FAM219A: variants seen among roughly 807,000 people sequenced by gnomAD.
FAM219A encodes the protein protein FAM219A.
Under a neutral mutation model 23.4 loss-of-function variants are expected in FAM219A, and 7 were observed. The ratio of observed to expected loss-of-function variants is 0.30; its 90% CI spans 0.17 to 0.56. FAM219A has a LOEUF of 0.56. Ranked by LOEUF, FAM219A falls within the 20% of genes least tolerant of loss-of-function variation. The pLI, the probability that FAM219A is intolerant of heterozygous loss-of-function variation, is 0.92. For missense variants in FAM219A, 166 were observed against 246.9 expected, an observed-to-expected ratio of 0.67 and a Z score of 2.20; for synonymous variants, 93 against 99.0, an observed-to-expected ratio of 0.94 and a Z score of 0.36.
intron 1 of FAM219A, among the ~76,000 whole-genome samples, chr9:34,427,380 T>C (rs1822526701): frequency 6.6e-6 from 1 of 152,126 alleles, no homozygotes; most frequent in African/African-American, 2.4e-5. Flanking sequence ...GGAGTCTACG[T>C]TGCCCAGGCT....
At position 34,458,279 on chromosome 9, in the gene FAM219A, G is replaced by A. The variant is rs749921028; in HGVS notation, c.-16C>T. On this transcript the variant is annotated 5_prime_UTR_variant, in exon 1 of 6. Transcript: ENST00000651358. This position sits in a 1 kb window ranked among gnomAD's most constrained non-coding sequence, Gnocchi z 6.6. ...CCTCCATCATGGTGCCGGCGGGCGA[G>A]CGGGCCAGGGGCCGGGCGCGGCCGC... The A allele has an allele frequency of 5.2e-6, 8 of 1,525,370 alleles. No homozygotes were observed. In the African/African-American group the frequency reaches 7.1e-5, roughly 14 times the overall value. The allele number at this position is 1,525,370 out of a possible 1,614,324, so 94.5% of individuals were successfully genotyped here. A position where few individuals can be genotyped will look rare whatever the true frequency, so the allele number is the denominator to read the frequency against.
chr9:34,439,389 T>G (rs1184662187), intron 1 of FAM219A, among the ~76,000 whole-genome samples: 1 of 152,188 alleles, frequency 6.6e-6, no homozygotes, highest in African/African-American at 2.4e-5. Context: ...CCAAAAGCTA[T>G]TTAGTGAATG....
At chr9:34,416,182 GAAAAGAAAGAAA>G (rs1178420320) in intron 1 of FAM219A, among the ~76,000 whole-genome samples, 3 of 90,818 alleles carry the variant, frequency 3.3e-5, no homozygotes, top group African/African-American at 8.8e-5. Flanking sequence ...AGAAGAAAGA[GAAAAGAAAGAAA>G]GAAAGAAAGA....
intron 1 of FAM219A, among the ~76,000 whole-genome samples, chr9:34,425,800 A>T (rs74467514): frequency 0.015 from 2,215 of 150,892 alleles, 52 homozygotes; most frequent in African/African-American, 0.05. Context: ...TGCATTATTT[A>T]AAAAAAAAAT....
intron 1 of FAM219A, among the ~76,000 whole-genome samples, chr9:34,451,322 G>GA (rs1212960552): frequency 6.6e-6 from 1 of 152,136 alleles, no homozygotes; most frequent in Non-Finnish European, 1.5e-5. Context: ...CTCCTGCCCA[G>GA]AAAGCCAGAT....
rs368461806 is a variant in FAM219A at position 34,445,940 on chromosome 9, C to T, written c.60+12264G>A. Among the ~76,000 whole-genome samples the T allele has an allele frequency of 3.4e-4, 52 of 152,160 alleles. No homozygotes were observed. The South Asian group carries it at 5.8e-3, about 17-fold the overall frequency. ...CTGTAATCCCAGCACTTTGGGAGTC[C>T]GAGGCAAGAAGATCACTTGAAGTCA... is the stretch of plus-strand genomic sequence containing the variant. On this transcript the variant is annotated intron_variant, in intron 1 of 5. Coordinates refer to ENST00000651358, the MANE Select transcript of FAM219A (RefSeq NM_001184940.2).
chr9:34,450,677 A>G (rs539867058), intron 1 of FAM219A, among the ~76,000 whole-genome samples: 7 of 152,248 alleles, frequency 4.6e-5, no homozygotes, highest in African/African-American at 1.7e-4. Context: ...CGGCCTCCCA[A>G]AGTGCTGGGA....
intron 1 of FAM219A, among the ~76,000 whole-genome samples, chr9:34,416,256 A>AAAGG (rs1327363897): frequency 2.1e-4 from 25 of 119,364 alleles, no homozygotes; most frequent in African/African-American, 6.8e-4. Context: ...AGAAAGAAAG[A>AAAGG]AAGGGGGAGG....
chr9:34,416,570 C>A (rs1822039643), intron 1 of FAM219A, among the ~76,000 whole-genome samples: 2 of 151,894 alleles, frequency 1.3e-5, no homozygotes, highest in Non-Finnish European at 2.9e-5. Context: ...TCGAGACCAG[C>A]CTGGCCAACA....
intron 1 of FAM219A, among the ~76,000 whole-genome samples, chr9:34,414,199 T>A (rs1821920680): frequency 3.9e-5 from 6 of 152,242 alleles, no homozygotes. Flanking sequence ...GCCTAAAGCA[T>A]TCCCATCTTC....
chr9:34,415,571 C>T (rs991063713), intron 1 of FAM219A, among the ~76,000 whole-genome samples: 5 of 152,186 alleles, frequency 3.3e-5, no homozygotes, highest in African/African-American at 9.7e-5. Context: ...TAATGTTCTA[C>T]GGTATGTGAG....
intron 1 of FAM219A, among the ~76,000 whole-genome samples, chr9:34,421,848 T>G (rs1438292702): frequency 6.6e-6 from 1 of 152,182 alleles, no homozygotes; most frequent in Non-Finnish European, 1.5e-5. Context: ...GGCATATTAT[T>G]TAAATGCAGA....
chr9:34,426,282 T>C (rs374886573), intron 1 of FAM219A, among the ~76,000 whole-genome samples: 1 of 152,230 alleles, frequency 6.6e-6, no homozygotes, highest in Non-Finnish European at 1.5e-5. Context: ...GTCCTGTTCC[T>C]ATGTTTAGGA....
At chr9:34,439,419 G>A (rs565369601) in intron 1 of FAM219A, among the ~76,000 whole-genome samples, 1 of 152,188 alleles carries the variant, frequency 6.6e-6, no homozygotes, top group Non-Finnish European at 1.5e-5. Flanking sequence ...TGAAGGCACA[G>A]GAGACAAATG....
At chr9:34,411,998 T>A (rs562524242) in intron 1 of FAM219A, among the ~76,000 whole-genome samples, 66 of 152,174 alleles carry the variant, frequency 4.3e-4, no homozygotes, top group African/African-American at 1.6e-3. Context: ...GGAAATCAAG[T>A]TTGTGGAGTC....
In FAM219A at chr9:34,398,499, C is replaced by G; in HGVS notation, c.*2465G>C. 2 of 896,128 alleles carry G rather than the reference C, an allele frequency of 2.2e-6. No individual in the cohort carries two copies. The highest frequency in any genetic ancestry group is 3.4e-6 in the Non-Finnish European group (2 of 590,586). The allele number at this position is 896,128 out of a possible 1,614,324, so 55.5% of individuals were successfully genotyped here. On this transcript the variant is annotated 3_prime_UTR_variant, in exon 6 of 6. Transcript: ENST00000651358. ...CACCCCTCCCTAGACACAGAAGCTG[C>G]CACTGCCAGCTTCCTGCCTCTCTCT...
intron 1 of FAM219A, among the ~76,000 whole-genome samples, chr9:34,434,019 G>A (rs965933623): frequency 3.9e-5 from 6 of 151,988 alleles, no homozygotes; most frequent in South Asian, 2.1e-4. Flanking sequence ...TGGCTAACAC[G>A]GTGAAACCCC....
At chr9:34,445,633 C>G (rs368200484) in intron 1 of FAM219A, among the ~76,000 whole-genome samples, 3 of 152,122 alleles carry the variant, frequency 2.0e-5, no homozygotes, top group East Asian at 1.9e-4. Flanking sequence ...GGGGTAAAAG[C>G]CTAGTGTAGA....
intron 1 of FAM219A, among the ~76,000 whole-genome samples, chr9:34,420,143 G>C (rs1326745044): frequency 6.6e-6 from 1 of 152,080 alleles, no homozygotes; most frequent in Non-Finnish European, 1.5e-5. Context: ...CCCAACAAGG[G>C]GGAGGGCACA....
Sources: gnomAD v4.1 joint callset for allele counts (sites outside exome capture counted in the v4.1 genomes callset) on GRCh38, gnomAD v4.1.1 for gene constraint, Gnocchi (gnomAD v3.1) non-coding constraint, MANE v1.5 for transcripts, NCBI Gene and HGNC (gene_info 2026-07-23, HGNC 2026-07-21) for gene names.